Variants in STAT5B observed in about 807,000 individuals in gnomAD.
The protein encoded by STAT5B is signal transducer and activator of transcription 5B.
Under a neutral mutation model 107.8 loss-of-function variants are expected in STAT5B, and 21 were observed. The observed-to-expected ratio is 0.19, with a 90% CI of 0.14 to 0.28. STAT5B has a LOEUF of 0.28. Ranked by LOEUF, STAT5B falls within the 10% of genes least tolerant of loss-of-function variation. The pLI, the probability that STAT5B is intolerant of heterozygous loss-of-function variation, is 1.00. For synonymous variants in STAT5B, 325 were observed against 401.7 expected (o/e 0.81, Z 2.28); for missense variants, 565 against 1,008.2 (o/e 0.56, Z 5.95).
At chr17:42,221,835 A>G (rs907344829) in intron 5 of STAT5B, among the ~76,000 whole-genome samples, 7 of 152,214 alleles carry the variant, frequency 4.6e-5, no homozygotes, top group Non-Finnish European at 7.3e-5. Flanking sequence ...TAAAGAGTAA[A>G]TAAGTAGTAT....
chr17:42,246,934 TG>T (rs1199293082), intron 1 of STAT5B, among the ~76,000 whole-genome samples: 1 of 152,210 alleles, frequency 6.6e-6, no homozygotes, highest in Non-Finnish European at 1.5e-5. Flanking sequence ...CCTCAGCTGT[TG>T]GTTCCTAACT....
intron 1 of STAT5B, among the ~76,000 whole-genome samples, chr17:42,262,966 GTGTGTATATATATATA>G (rs1248099471): frequency 1.5e-3 from 58 of 38,732 alleles, no homozygotes; most frequent in African/African-American, 6.0e-3. Flanking sequence ...GTGTGTGTGT[GTGTGTATATATATATA>G]TATATATATA....
intron 1 of STAT5B, among the ~76,000 whole-genome samples, chr17:42,241,974 G>A (rs2080407464): frequency 6.6e-6 from 1 of 151,844 alleles, no homozygotes; most frequent in Admixed American, 6.6e-5. Flanking sequence ...GATGGGAAGA[G>A]AACAGAAAGA....
the STAT5B span, chr17:42,288,099 A>G: frequency 6.6e-6 from 1 of 152,188 alleles, no homozygotes; most frequent in Non-Finnish European, 1.5e-5. This position sits in a 1 kb window ranked among gnomAD's most constrained non-coding sequence, Gnocchi z 4.8. Flanking sequence ...GGCGTCGCCA[A>G]TTGGTCCACT....
At position 42,218,941 on chromosome 17, in the gene STAT5B, A is replaced by G. The variant is rs183526743; in HGVS notation, c.834-63T>C. The G allele has an allele frequency of 4.3e-6, 7 of 1,613,190 alleles. No individual in the cohort carries two copies. The African/African-American group carries it at 9.3e-5, about 22-fold the overall frequency. ...CTCCTCCGCACAGACGCCAGGCCCC[A>G]AGACACAGCTCCCGTTCCCCCAGGA... On this transcript the variant is annotated intron_variant, in intron 7 of 18. Coordinates refer to ENST00000293328, the MANE Select transcript of STAT5B (RefSeq NM_012448.4).
Position 42,218,884 on chromosome 17 carries a change from C to T in STAT5B, c.834-6G>A, listed in dbSNP as rs773035455. ...TCTCGGCCAACTTCTCACACCTGCA[C>T]GAGAGCCCCAAGGCCAACAGGAGGA... is the stretch of plus-strand genomic sequence containing the variant. On this transcript the variant is annotated splice_polypyrimidine_tract_variant and splice_region_variant and intron_variant, in intron 7 of 18. Transcript: ENST00000293328. 1.1e-5 allele frequency: 18 copies of T among 1,613,678 alleles called. No homozygotes were observed. Among genetic ancestry groups the T allele is most frequent in the Middle Eastern group, 1.7e-4 (1 of 5,954 alleles).
Position 42,261,487 on chromosome 17 carries a change from A to T in STAT5B, c.-11+14761T>A, listed in dbSNP as rs540205718. On this transcript the variant is annotated intron_variant, in intron 1 of 18. Coordinates refer to ENST00000293328, the MANE Select transcript of STAT5B (RefSeq NM_012448.4). The stretch of plus-strand genomic sequence containing the variant: ...ATTCCCCAAACTGGCTTAAAATAAA[A>T]TTCTGTTATAGCAATTTCACTATAA... Among the ~76,000 whole-genome samples the T allele has an allele frequency of 9.8e-5, 15 of 152,346 alleles. No homozygotes were observed. The East Asian group carries it at 2.3e-3, about 23-fold the overall frequency.
chr17:42,271,812 TCTC>T (rs2080724208), intron 1 of STAT5B: 1 of 152,126 alleles, frequency 6.6e-6, no homozygotes. Flanking sequence ...AATTATAACT[TCTC>T]CTTTCTTGAA....
At chr17:42,254,402 T>G (rs2080524549) in intron 1 of STAT5B, among the ~76,000 whole-genome samples, 2 of 152,128 alleles carry the variant, frequency 1.3e-5, no homozygotes, top group Non-Finnish European at 2.9e-5. Flanking sequence ...GATCCTGCTT[T>G]AAAGCTAAAT....
intron 3 of STAT5B, among the ~76,000 whole-genome samples, chr17:42,225,203 C>T (rs180727288): frequency 6.3e-4 from 96 of 152,054 alleles, no homozygotes; most frequent in African/African-American, 2.3e-3. Flanking sequence ...TACAGGGGCC[C>T]GCCACCACGC....
chr17:42,268,423 T>C lies in STAT5B; in HGVS notation c.-11+7825A>G, dbSNP rs78442193. Among the ~76,000 whole-genome samples the C allele has an allele frequency of 3.2e-3, 488 of 152,302 alleles. 4 individuals carry two copies. Among genetic ancestry groups the C allele is most frequent in the South Asian group, 0.01 (50 of 4,828 alleles). On this transcript the variant is annotated intron_variant, in intron 1 of 18. Transcript: ENST00000293328. Reference sequence around the variant, plus strand: ...TCTACGTTTGTGTAAGTACCCTCTATGATGGTACCACAATGACAAAATCGC... The same window carrying C: ...TCTACGTTTGTGTAAGTACCCTCTACGATGGTACCACAATGACAAAATCGC...
At chr17:42,222,551 T>TC (rs1281121603) in intron 5 of STAT5B, among the ~76,000 whole-genome samples, 1 of 152,160 alleles carries the variant, frequency 6.6e-6, no homozygotes, top group Non-Finnish European at 1.5e-5. Flanking sequence ...AGGTTTCTTT[T>TC]CCCCCTTAGA....
intron 1 of STAT5B, among the ~76,000 whole-genome samples, chr17:42,261,094 AG>A (rs2080592415): frequency 6.6e-6 from 1 of 151,986 alleles, no homozygotes; most frequent in Non-Finnish European, 1.5e-5. Flanking sequence ...TTTTTAGTAG[AG>A]ACAGGGTCTC....
At chr17:42,211,895 G>A in intron 13 of STAT5B, 89 bp downstream of exon 13, 1 of 1,537,346 alleles carries the variant, frequency 6.5e-7, no homozygotes, top group Non-Finnish European at 8.8e-7. Context: ...TTAGAGACAT[G>A]AAGAATAAGG....
chr17:42,247,087 G>A (rs2080458382), intron 1 of STAT5B, among the ~76,000 whole-genome samples: 3 of 152,196 alleles, frequency 2.0e-5, no homozygotes, highest in Admixed American at 2.0e-4. Flanking sequence ...CCAGGAAAGT[G>A]GAACAGATCA....
chr17:42,253,863 G>A (rs529242145), intron 1 of STAT5B, among the ~76,000 whole-genome samples: 1 of 152,222 alleles, frequency 6.6e-6, no homozygotes, highest in East Asian at 1.9e-4. Context: ...ATTTCTCATT[G>A]TCAATACTTC....
intron 1 of STAT5B, among the ~76,000 whole-genome samples, chr17:42,233,680 T>G (rs558275856): frequency 6.6e-6 from 1 of 152,128 alleles, no homozygotes; most frequent in African/African-American, 2.4e-5. Flanking sequence ...TTAGCAGAGA[T>G]GGGGTTTCAC....
At chr17:42,285,080 C>CTT in the STAT5B span, among the ~76,000 whole-genome samples, 1,468 of 145,640 alleles carry the variant, frequency 0.01, 18 homozygotes, top group African/African-American at 0.035. Flanking sequence ...GAATATATTG[C>CTT]TTTTTTTTTT....
At chr17:42,279,937 A>G (rs2080788880), upstream of STAT5B, among the ~76,000 whole-genome samples, 1 of 152,168 alleles carries the variant, frequency 6.6e-6, no homozygotes, top group Non-Finnish European at 1.5e-5. Flanking sequence ...TGCTGAGGAC[A>G]GAATGTTCTG....
Sources: allele counts gnomAD v4.1 joint callset (sites outside exome capture counted in the v4.1 genomes callset), GRCh38; gene constraint gnomAD v4.1.1; non-coding constraint Gnocchi (gnomAD v3.1); transcripts MANE v1.5; gene names NCBI Gene and HGNC (gene_info 2026-07-23, HGNC 2026-07-21).